The following TNS1 variants were observed in gnomAD, a reference collection of about 807,000 sequenced individuals.
TNS1 encodes tensin-1.
Under a neutral mutation model 168.6 loss-of-function variants are expected in TNS1, and 62 were observed. The observed-to-expected ratio is 0.37, with a 90% confidence interval of 0.30 to 0.45. The LOEUF (loss-of-function observed/expected upper bound fraction) is 0.45, where lower values mean the gene tolerates loss of function less well. Ranked by LOEUF, TNS1 falls within the 20% of genes least tolerant of loss-of-function variation. The pLI, the probability that TNS1 is intolerant of heterozygous loss-of-function variation, is 1.00. For synonymous variants in TNS1, 934 were observed against 933.2 expected, an observed-to-expected ratio of 1.00 and a Z score of -0.02; for missense variants, 2,240 against 2,339.4, an observed-to-expected ratio of 0.96 and a Z score of 0.88.
chr2:217,855,199 C>T (rs1179131912), intron 18 of TNS1, among the ~76,000 whole-genome samples: 2 of 152,320 alleles, frequency 1.3e-5, no homozygotes, highest in South Asian at 2.1e-4. Flanking sequence ...CTTCTGAAGC[C>T]TCACTTCCTT....
upstream of TNS1, chr2:218,003,029 C>G: frequency 2.4e-6 from 1 of 419,010 alleles, no homozygotes; most frequent in Non-Finnish European, 4.8e-6. Context: ...TCCAGCTCAC[C>G]CTCCCTCCTC....
intron 19 of TNS1, among the ~76,000 whole-genome samples, chr2:217,843,719 C>T (rs561370944): frequency 6.6e-6 from 1 of 152,300 alleles, no homozygotes; most frequent in South Asian, 2.1e-4. Context: ...ATCTTGACTT[C>T]TATGATGACA....
chr2:218,001,981 T>G (rs1181492628), intron 1 of TNS1, among the ~76,000 whole-genome samples: 1 of 152,056 alleles, frequency 6.6e-6, no homozygotes, highest in Non-Finnish European at 1.5e-5. Flanking sequence ...CCTGACCCCA[T>G]GCATGCCTTT....
chr2:217,966,329 G>C (rs985179920), intron 3 of TNS1, among the ~76,000 whole-genome samples: 1 of 150,582 alleles, frequency 6.6e-6, no homozygotes, highest in Non-Finnish European at 1.5e-5. Context: ...GCGTGTGTAA[G>C]GAGACAGCAA....
At chr2:217,807,553 G>A (rs1251118290) in intron 32 of TNS1, among the ~76,000 whole-genome samples, 1 of 152,170 alleles carries the variant, frequency 6.6e-6, no homozygotes, top group Non-Finnish European at 1.5e-5. Flanking sequence ...ACCCAGGCAG[G>A]ATCTGAGTCC....
chr2:217,932,234 A>G (rs1281096927), intron 3 of TNS1, among the ~76,000 whole-genome samples: 1 of 152,188 alleles, frequency 6.6e-6, no homozygotes, highest in Non-Finnish European at 1.5e-5. Flanking sequence ...GTTTCTAACT[A>G]CAGGGTAAGA....
At chr2:217,998,221 GTCTC>G (rs60663810) in intron 1 of TNS1, among the ~76,000 whole-genome samples, 185 of 149,562 alleles carry the variant, frequency 1.2e-3, no homozygotes, top group Non-Finnish European at 5.8e-4. Context: ...CTCCATCAGT[GTCTC>G]TCTCTCTCTC....
At chr2:217,882,080 T>C in intron 17 of TNS1, 1 of 338,218 alleles carries the variant, frequency 3.0e-6, no homozygotes, top group Non-Finnish European at 5.3e-6. Flanking sequence ...AGTCTCTGAA[T>C]ATAACAGGCT....
chr2:217,850,317 C>T, intron 18 of TNS1: 1 of 985,276 alleles, frequency 1.0e-6, no homozygotes, highest in Non-Finnish European at 1.2e-6. Context: ...GGTGCTGATG[C>T]AGGGGGTTCA....
rs372703460 is a variant in TNS1 at position 217,848,290 on chromosome 2, G to A, written c.2227C>T (p.Arg743Cys). The change falls in exon 19 of 33, where the codon CGC (arginine) becomes TGC (cysteine). Residue 743 changes from arginine to cysteine, a missense_variant. Physicochemically the swap from Arg to Cys is radical, Grantham distance 180. Coordinates refer to ENST00000682258, the MANE Select transcript of TNS1 (RefSeq NM_001387777.1). ...HYAHDPSGMF[R>C]SQSFSEAEPQ... ...TCAGCTTCCGAAAAGGATTGAGAGC[G>A]GAACATACCGCTGGGGTCATGGGCA... The A allele has an allele frequency of 7.8e-6, 12 of 1,544,536 alleles. No individual in the cohort carries two copies. Among genetic ancestry groups the A allele is most frequent in the East Asian group, 6.8e-5 (3 of 44,226 alleles).
At chr2:217,924,892 G>A (rs1471304958) in intron 3 of TNS1, among the ~76,000 whole-genome samples, 1 of 152,158 alleles carries the variant, frequency 6.6e-6, no homozygotes, top group Non-Finnish European at 1.5e-5. Flanking sequence ...GCCCACTGAG[G>A]TTTTTGATCA....
intron 3 of TNS1, among the ~76,000 whole-genome samples, chr2:217,950,926 G>A (rs1445941167): frequency 6.6e-6 from 1 of 151,852 alleles, no homozygotes; most frequent in African/African-American, 2.4e-5. Context: ...GGGCTCCGAG[G>A]GAAAATCTCC....
chr2:217,876,597 C>G (rs1370715148), intron 18 of TNS1, among the ~76,000 whole-genome samples: 2 of 152,114 alleles, frequency 1.3e-5, no homozygotes, highest in Non-Finnish European at 2.9e-5. Flanking sequence ...CTGAACTGTT[C>G]CCCCATTCAG....
chr2:217,950,410 A>G (rs1231424971), intron 3 of TNS1, among the ~76,000 whole-genome samples: 1 of 152,102 alleles, frequency 6.6e-6, no homozygotes, highest in Non-Finnish European at 1.5e-5. Flanking sequence ...AGCAGCTGCT[A>G]GGAACAGGAT....
intron 3 of TNS1, among the ~76,000 whole-genome samples, chr2:217,931,671 A>C (rs1310029689): frequency 6.6e-6 from 1 of 152,072 alleles, no homozygotes; most frequent in Non-Finnish European, 1.5e-5. Context: ...ACAGGTGTTC[A>C]CCTCCCTGTT....
Position 217,889,850 on chromosome 2 carries a change from C to T in TNS1, c.866+1112G>A, listed in dbSNP as rs181831303. ...CAGAGCTGGGCCTGCGTCCCACCATCCAGGTCTCCAGTTTGGGCTTGGGTT... is the reference window on the plus strand; with the variant it reads ...CAGAGCTGGGCCTGCGTCCCACCATTCAGGTCTCCAGTTTGGGCTTGGGTT... On this transcript the variant is annotated intron_variant, in intron 12 of 32. Transcript: ENST00000682258. Among the ~76,000 whole-genome samples the T allele has an allele frequency of 9.2e-4, 140 of 152,330 alleles. 1 individual carries two copies. The highest frequency in any genetic ancestry group is 3.4e-3 in the Middle Eastern group (1 of 294).
At chr2:218,005,048 C>T (rs528064523), upstream of TNS1, among the ~76,000 whole-genome samples, 3 of 152,354 alleles carry the variant, frequency 2.0e-5, no homozygotes, top group South Asian at 4.1e-4. Context: ...TCCTCAGCCA[C>T]TATCACCAGC....
intron 24 of TNS1, 110 bp downstream of exon 24, chr2:217,817,580 C>T: frequency 1.1e-6 from 1 of 918,728 alleles, no homozygotes; most frequent in African/African-American, 1.7e-5. Context: ...CAGTGATTCA[C>T]CCAGGGTCGT....
chr2:217,850,221 A>G (rs1947273407), intron 18 of TNS1: 1 of 985,296 alleles, frequency 1.0e-6, no homozygotes, highest in African/African-American at 1.7e-5. Flanking sequence ...CCTGAAGAAC[A>G]GGCCAAGGTG....
Sources: gnomAD v4.1 joint callset for allele counts (sites outside exome capture counted in the v4.1 genomes callset) on GRCh38, gnomAD v4.1.1 for gene constraint, MANE v1.5 for transcripts, NCBI Gene and HGNC (gene_info 2026-07-23, HGNC 2026-07-21) for gene names.